Variants in LSAMP observed in about 807,000 individuals in gnomAD.
The protein encoded by LSAMP is limbic system associated membrane protein.
A neutral mutation model predicts 38.6 loss-of-function variants in LSAMP; 7 were observed. That is an observed-to-expected ratio of 0.18 (90% CI 0.10 to 0.34). LSAMP has a LOEUF of 0.34. Ranked by LOEUF, LSAMP falls within the 10% of genes least tolerant of loss-of-function variation. LSAMP has a pLI of 1.00. For missense variants in LSAMP, 313 were observed against 420.0 expected (o/e 0.75, Z 2.23); for synonymous variants, 154 against 166.8 (o/e 0.92, Z 0.59).
intron 1 of LSAMP, among the ~76,000 whole-genome samples, chr3:116,384,646 C>G (rs2048602691): frequency 6.6e-6 from 1 of 152,066 alleles, no homozygotes; most frequent in Admixed American, 6.6e-5. Context: ...ACAGATGGTG[C>G]ATTGTTCTCA....
chr3:116,441,500 G>A (rs951169747), intron 1 of LSAMP, among the ~76,000 whole-genome samples: 1 of 152,120 alleles, frequency 6.6e-6, no homozygotes, highest in African/African-American at 2.4e-5. Context: ...TGGTCAGTAG[G>A]ACTATTAAAA....
At chr3:116,392,907 T>C (rs1316387970) in intron 1 of LSAMP, among the ~76,000 whole-genome samples, 1 of 151,986 alleles carries the variant, frequency 6.6e-6, no homozygotes, top group Non-Finnish European at 1.5e-5. Flanking sequence ...ACTAAGGAAA[T>C]GATGGGACAA....
At chr3:116,291,632 A>T (rs2047269022) in intron 1 of LSAMP, among the ~76,000 whole-genome samples, 2 of 152,074 alleles carry the variant, frequency 1.3e-5, no homozygotes, top group South Asian at 4.1e-4. Context: ...ATCTATCTAA[A>T]CTTTCACTTC....
chr3:116,318,719 ATATAT>A (rs1421003144), intron 1 of LSAMP, among the ~76,000 whole-genome samples: 6 of 152,184 alleles, frequency 3.9e-5, no homozygotes, highest in African/African-American at 1.4e-4. Context: ...AATCAATACA[ATATAT>A]TATATTTGGA....
chr3:115,855,036 T>A (rs1473844042), intron 3 of LSAMP, among the ~76,000 whole-genome samples: 1 of 152,218 alleles, frequency 6.6e-6, no homozygotes, highest in Non-Finnish European at 1.5e-5. Context: ...GGGACAGAGC[T>A]GTCAGTAGAA....
intron 3 of LSAMP, among the ~76,000 whole-genome samples, chr3:115,904,890 G>T (rs1936971210): frequency 6.6e-6 from 1 of 152,098 alleles, no homozygotes. Flanking sequence ...ACTAGGTTTT[G>T]TTGGTCCCTC....
chr3:116,111,151 G>A lies in LSAMP; in HGVS notation c.156-24595C>T, dbSNP rs1576369493. On this transcript the variant is annotated intron_variant, in intron 1 of 6. Coordinates refer to ENST00000490035, the MANE Select transcript of LSAMP (RefSeq NM_002338.5). ...TTTTCACTTCTTTTGTGATTCTTCAGTTACTTCAGGCCATCTGGGCATATA... is the reference window on the plus strand; with the variant it reads ...TTTTCACTTCTTTTGTGATTCTTCAATTACTTCAGGCCATCTGGGCATATA... 2.0e-5 allele frequency among the ~76,000 whole-genome samples: 3 copies of A among 152,282 alleles called. No individual in the cohort carries two copies. In the South Asian group the frequency reaches 6.2e-4, roughly 32 times the overall value.
intron 3 of LSAMP, among the ~76,000 whole-genome samples, chr3:115,916,284 A>T (rs1379145370): frequency 6.6e-6 from 1 of 152,180 alleles, no homozygotes; most frequent in Non-Finnish European, 1.5e-5. Context: ...GAGAGCTGCA[A>T]GGGGCTCAGC....
At chr3:116,386,168 T>C (rs577974253) in intron 1 of LSAMP, among the ~76,000 whole-genome samples, 42 of 152,192 alleles carry the variant, frequency 2.8e-4, no homozygotes, top group African/African-American at 9.6e-4. Flanking sequence ...TCCTAGTACA[T>C]AGTAACTGCC....
At chr3:115,894,172 CAA>C (rs780380427) in intron 3 of LSAMP, among the ~76,000 whole-genome samples, 7 of 152,030 alleles carry the variant, frequency 4.6e-5, no homozygotes, top group Admixed American at 2.0e-4. Flanking sequence ...CCTGGTTGGA[CAA>C]AAGTCTATGG....
At chr3:116,309,265 T>C (rs940671586) in intron 1 of LSAMP, among the ~76,000 whole-genome samples, 2 of 152,070 alleles carry the variant, frequency 1.3e-5, no homozygotes, top group Non-Finnish European at 2.9e-5. Flanking sequence ...TCTAAGTATA[T>C]CATTGCAGAT....
At chr3:115,987,129 T>C (rs1939531778) in intron 3 of LSAMP, among the ~76,000 whole-genome samples, 1 of 152,156 alleles carries the variant, frequency 6.6e-6, no homozygotes, top group South Asian at 2.1e-4. Context: ...GAGCGCTGAC[T>C]GCGACAGAAA....
chr3:116,162,716 C>A, intron 1 of LSAMP, among the ~76,000 whole-genome samples: 1 of 148,500 alleles, frequency 6.7e-6, no homozygotes, highest in South Asian at 2.1e-4. Context: ...AAAGTGAAAG[C>A]AAAGTGTGTG....
At chr3:116,081,393 G>T (rs1179053306) in intron 2 of LSAMP, among the ~76,000 whole-genome samples, 1 of 151,994 alleles carries the variant, frequency 6.6e-6, no homozygotes, top group African/African-American at 2.4e-5. Context: ...AGCAGAGGTT[G>T]CAGTGAGCCA....
intron 6 of LSAMP, among the ~76,000 whole-genome samples, chr3:115,840,673 T>C (rs751388736): frequency 9.2e-5 from 14 of 152,254 alleles, no homozygotes; most frequent in Non-Finnish European, 1.9e-4. Context: ...TAAAGAGTTT[T>C]AAAATGGCTT....
At chr3:116,299,198 C>T (rs1002780028) in intron 1 of LSAMP, among the ~76,000 whole-genome samples, 10 of 152,064 alleles carry the variant, frequency 6.6e-5, no homozygotes, top group African/African-American at 2.2e-4. Flanking sequence ...GAAGTAGAAA[C>T]GACATGACTG....
At chr3:116,256,536 A>G (rs551095857) in intron 1 of LSAMP, among the ~76,000 whole-genome samples, 7 of 152,226 alleles carry the variant, frequency 4.6e-5, no homozygotes, top group Non-Finnish European at 8.8e-5. Context: ...CATTGATGAT[A>G]TAATTAATAT....
chr3:115,853,646 G>A (rs6796217), intron 3 of LSAMP, among the ~76,000 whole-genome samples: 12,545 of 152,124 alleles, frequency 0.082, 1,703 homozygotes, highest in African/African-American at 0.28. Context: ...GAAGGAGAAG[G>A]TGAAAGAGGA....
intron 1 of LSAMP, among the ~76,000 whole-genome samples, chr3:116,188,570 G>A (rs1710678836): frequency 6.6e-6 from 1 of 152,072 alleles, no homozygotes; most frequent in Non-Finnish European, 1.5e-5. Flanking sequence ...AATGCAGTCT[G>A]TTTATTTGCT....
Sources: gnomAD v4.1 joint callset for allele counts (sites outside exome capture counted in the v4.1 genomes callset) on GRCh38, gnomAD v4.1.1 for gene constraint, MANE v1.5 for transcripts, NCBI Gene and HGNC (gene_info 2026-07-23, HGNC 2026-07-21) for gene names.